PP2D1: variants seen among roughly 807,000 people sequenced by gnomAD.
PP2D1 encodes protein phosphatase 2C-like domain-containing protein 1.
In PP2D1, 25 loss-of-function variants were observed where a neutral mutation model predicts 30.2. That is an observed-to-expected ratio of 0.83 (90% CI 0.60 to 1.16). The LOEUF (loss-of-function observed/expected upper bound fraction) is 1.16, where lower values mean the gene tolerates loss of function less well. Among genes scored for constraint, PP2D1 ranks in the 50% most tolerant of loss-of-function variants. The pLI is 0.00. For synonymous variants in PP2D1, 260 were observed against 258.9 expected (o/e 1.00, Z -0.04); for missense variants, 760 against 742.4 (o/e 1.02, Z -0.28).
chr3:19,994,289 G>C (rs1027574963), intron 2 of PP2D1, among the ~76,000 whole-genome samples: 1 of 152,164 alleles, frequency 6.6e-6, no homozygotes, highest in African/African-American at 2.4e-5. Flanking sequence ...ACTTGGAACT[G>C]GCTTGACATT....
chr3:19,996,706 C>A (rs1697183681), intron 2 of PP2D1: 1 of 148,624 alleles, frequency 6.7e-6, no homozygotes, highest in African/African-American at 2.5e-5. Context: ...CAAGCTGAAT[C>A]AAACAACATA....
chr3:19,998,048 G>A (rs1697204134), intron 2 of PP2D1, among the ~76,000 whole-genome samples: 1 of 151,922 alleles, frequency 6.6e-6, no homozygotes, highest in African/African-American at 2.4e-5. Flanking sequence ...TACAAAAATA[G>A]GCTGGGCACG....
intron 2 of PP2D1, 60 bp downstream of exon 2, chr3:20,000,970 G>T: frequency 2.0e-6 from 2 of 975,622 alleles, no homozygotes; most frequent in Non-Finnish European, 2.7e-6. Context: ...AGCATGAGGG[G>T]TTTTGCTGCA....
At chr3:19,995,300 T>C (rs74393275) in intron 2 of PP2D1, among the ~76,000 whole-genome samples, 2 of 151,980 alleles carry the variant, frequency 1.3e-5, no homozygotes, top group Admixed American at 6.6e-5. Context: ...CAAATTCCAA[T>C]GAGAAATGTC....
At chr3:20,006,214 C>A (rs1426213971) in intron 1 of PP2D1, among the ~76,000 whole-genome samples, 1 of 152,144 alleles carries the variant, frequency 6.6e-6, no homozygotes, top group Non-Finnish European at 1.5e-5. Flanking sequence ...CCACTGCACT[C>A]CAGCCTGGGC....
In PP2D1 at chr3:20,001,562, A is replaced by T. The variant is rs1432191060; in HGVS notation, c.558T>A (p.Asn186Lys). The T allele has an allele frequency of 5.2e-6, 8 of 1,536,144 alleles. No homozygotes were observed. The highest frequency in any genetic ancestry group is 7.0e-6 in the Non-Finnish European group (8 of 1,146,932). The change falls in exon 2 of 3, where the codon AAT becomes AAA. Residue 186 changes from asparagine (N) to lysine (K), a missense_variant. This residue lies in a region of PP2D1 where 374 missense variants were observed against 388.8 expected (regional missense o/e 0.96). Transcript: ENST00000389050. ...DRNSTWKADM[N>K]DKFTVVSNFG... ...AATTACTCACTACAGTGAATTTATC[A>T]TTCATGTCAGCTTTCCATGTAGAAT...
downstream of PP2D1, among the ~76,000 whole-genome samples, chr3:19,980,766 A>G (rs940784309): frequency 2.0e-5 from 3 of 152,270 alleles, no homozygotes; most frequent in Admixed American, 2.0e-4. Flanking sequence ...GAGATTTACC[A>G]TTATAATGCT....
At chr3:20,007,294 T>G (rs766596635) in intron 1 of PP2D1, among the ~76,000 whole-genome samples, 3 of 152,226 alleles carry the variant, frequency 2.0e-5, no homozygotes, top group Non-Finnish European at 2.9e-5. Context: ...TTTATTAGTA[T>G]TATTATTTTA....
In PP2D1 at chr3:20,007,785, AAG is replaced by A. The variant is rs1263422709; in HGVS notation, c.23+4263_23+4264del. 5.1e-3 allele frequency: 563 copies of A among 109,688 alleles called. 6 individuals carry two copies. Among genetic ancestry groups the A allele is most frequent in the Middle Eastern group, 0.015 (3 of 200 alleles). 6.8% of individuals were successfully genotyped at this position (109,688 alleles called of 1,614,324 possible). A position where few individuals can be genotyped will look rare whatever the true frequency, so the allele number is the denominator to read the frequency against. ...ATCCGTCTCAAAAAAAAAAAAAAAAAAGAGAGAGAGAGAATAAAAGAAATAGG... is the reference window on the plus strand; with the variant it reads ...ATCCGTCTCAAAAAAAAAAAAAAAAAAGAGAGAGAGAATAAAAGAAATAGG... On this transcript the variant is annotated intron_variant, in intron 1 of 2. Transcript: ENST00000389050.
chr3:19,998,286 C>A (rs4858116), intron 2 of PP2D1, among the ~76,000 whole-genome samples: 2 of 151,454 alleles, frequency 1.3e-5, no homozygotes, highest in Non-Finnish European at 2.9e-5. Flanking sequence ...GCCAAGATCG[C>A]GCCACTGCAC....
downstream of PP2D1, among the ~76,000 whole-genome samples, chr3:19,982,970 T>C (rs1338950750): frequency 2.0e-5 from 3 of 152,164 alleles, no homozygotes; most frequent in African/African-American, 7.2e-5. Context: ...TAGAGAACGC[T>C]GATATGAGCT....
intron 2 of PP2D1, among the ~76,000 whole-genome samples, chr3:19,991,021 A>G (rs1316661639): frequency 6.6e-6 from 1 of 152,208 alleles, no homozygotes; most frequent in African/African-American, 2.4e-5. Flanking sequence ...CACAATTTTA[A>G]TCTAAGCATA....
rs1460660856 is a variant in PP2D1, at chr3:20,001,409, A to G, written c.711T>C (p.Ser237=). 2.6e-6 allele frequency: 4 copies of G among 1,536,666 alleles called. No homozygotes were observed. The highest frequency in any genetic ancestry group is 3.5e-6 in the Non-Finnish European group (4 of 1,147,012). Reference sequence around the variant, plus strand: ...GTTGCTCATCAGTTGTCATTTGGTAAGAAGGATCAAATTTGGAAAGCTGAT... The same window carrying G: ...GTTGCTCATCAGTTGTCATTTGGTAGGAAGGATCAAATTTGGAAAGCTGAT... ...LLHQLSKFDP[S]YQMTTDEQQI... Residue 237 remains serine, a synonymous_variant, in exon 2 of 3, where the codon TCT becomes TCC. Transcript: ENST00000389050.
intron 2 of PP2D1, among the ~76,000 whole-genome samples, chr3:19,996,449 C>T (rs1203229973): frequency 2.0e-5 from 3 of 152,022 alleles, no homozygotes; most frequent in Admixed American, 6.6e-5. Flanking sequence ...AATAAAAAGT[C>T]CCCCAAATGA....
intron 1 of PP2D1, among the ~76,000 whole-genome samples, chr3:20,009,537 TA>T (rs1430425110): frequency 6.6e-6 from 1 of 152,080 alleles, no homozygotes; most frequent in Non-Finnish European, 1.5e-5. Flanking sequence ...GAAATACATG[TA>T]AATTAAAAAT....
At chr3:19,999,630 C>T (rs753168985) in intron 2 of PP2D1, among the ~76,000 whole-genome samples, 12 of 151,482 alleles carry the variant, frequency 7.9e-5, no homozygotes, top group Non-Finnish European at 1.5e-4. Context: ...CTGAGGTGAT[C>T]CACCCACCTC....
chr3:19,991,137 G>A (rs1403992638), intron 2 of PP2D1, among the ~76,000 whole-genome samples: 1 of 152,214 alleles, frequency 6.6e-6, no homozygotes, highest in East Asian at 1.9e-4. Context: ...GAAGAGCAAC[G>A]TGTTTAGGAA....
intron 2 of PP2D1, among the ~76,000 whole-genome samples, chr3:19,991,294 A>G (rs1315507793): frequency 1.3e-5 from 2 of 152,210 alleles, no homozygotes; most frequent in Non-Finnish European, 2.9e-5. Context: ...CTTTTGTGAA[A>G]AGGAAAAGTC....
Position 20,012,159 on chromosome 3 carries a change from T to C in PP2D1, c.-87A>G. 8.9e-7 allele frequency: 1 copy of C among 1,127,082 alleles called. No homozygotes were observed. The highest frequency in any genetic ancestry group is 1.3e-6 in the Non-Finnish European group (1 of 785,554). The allele number at this position is 1,127,082 out of a possible 1,614,324, so 69.8% of individuals were successfully genotyped here. ...CCAACTTGAGTAGTGATGGTGATGG[T>C]GGAGGTAGAGGTGAATGTGATGGCT... is the stretch of plus-strand genomic sequence containing the variant. On this transcript the variant is annotated 5_prime_UTR_variant, in exon 1 of 3. Transcript: ENST00000389050.
Sources: allele counts gnomAD v4.1 joint callset (sites outside exome capture counted in the v4.1 genomes callset), GRCh38; gene constraint gnomAD v4.1.1; regional missense constraint gnomAD v4.1.1; transcripts MANE v1.5; gene names NCBI Gene and HGNC (gene_info 2026-07-23, HGNC 2026-07-21).